Variants in PRKG1 observed in about 807,000 individuals in gnomAD.
PRKG1 encodes the protein protein kinase cGMP-dependent 1, also known as cGMP-dependent protein kinase 1.
PRKG1 carries 35 observed loss-of-function variants against 88.1 expected under a neutral mutation model. The observed-to-expected ratio is 0.40, with a 90% CI of 0.30 to 0.53. The LOEUF is 0.53. Ranked by LOEUF, PRKG1 falls within the 20% of genes least tolerant of loss-of-function variation. PRKG1 has a pLI of 0.59. For missense variants in PRKG1, 540 were observed against 839.8 expected, an observed-to-expected ratio of 0.64 and a Z score of 4.41; for synonymous variants, 303 against 292.5, an observed-to-expected ratio of 1.04 and a Z score of -0.37.
At chr10:51,999,424 C>CTA (rs1844537809) in intron 5 of PRKG1, among the ~76,000 whole-genome samples, 4 of 152,170 alleles carry the variant, frequency 2.6e-5, no homozygotes, top group African/African-American at 9.7e-5. Flanking sequence ...TTGCCAGCTT[C>CTA]GTAGGGATGT....
At chr10:51,411,972 T>A (rs1838100497) in intron 2 of PRKG1, among the ~76,000 whole-genome samples, 1 of 152,112 alleles carries the variant, frequency 6.6e-6, no homozygotes, top group Non-Finnish European at 1.5e-5. Flanking sequence ...TAGATTTGAT[T>A]TAGAATTAAC....
intron 2 of PRKG1, among the ~76,000 whole-genome samples, chr10:51,181,543 G>T (rs1564629772): frequency 6.6e-6 from 1 of 151,848 alleles, no homozygotes; most frequent in Non-Finnish European, 1.5e-5. Context: ...GCCCGGCCTA[G>T]AATTTTTTTA....
At chr10:51,338,661 G>A (rs985978526) in intron 2 of PRKG1, among the ~76,000 whole-genome samples, 11 of 152,088 alleles carry the variant, frequency 7.2e-5, no homozygotes, top group Non-Finnish European at 1.2e-4. Flanking sequence ...CAAGGATATT[G>A]GTTCTTTTAT....
intron 2 of PRKG1, among the ~76,000 whole-genome samples, chr10:51,467,463 G>A (rs1446213928): frequency 6.6e-6 from 1 of 151,930 alleles, no homozygotes; most frequent in Non-Finnish European, 1.5e-5. Flanking sequence ...ATAATATTAT[G>A]TTTGCCTGTT....
intron 3 of PRKG1, among the ~76,000 whole-genome samples, chr10:51,652,552 C>T (rs1840065255): frequency 6.6e-6 from 1 of 152,056 alleles, no homozygotes; most frequent in Admixed American, 6.6e-5. Context: ...CTCATGTCAT[C>T]GATCCCATTT....
intron 3 of PRKG1, among the ~76,000 whole-genome samples, chr10:51,544,985 GTT>G (rs1292641063): frequency 6.8e-6 from 1 of 146,652 alleles, no homozygotes; most frequent in East Asian, 2.0e-4. Flanking sequence ...CCACAATGAG[GTT>G]TTTTTTTTTA....
At chr10:51,390,915 A>G (rs531862363) in intron 2 of PRKG1, among the ~76,000 whole-genome samples, 2 of 152,352 alleles carry the variant, frequency 1.3e-5, no homozygotes, top group Non-Finnish European at 2.9e-5. Flanking sequence ...ACAAAAAATT[A>G]TCCAGTCCAA....
intron 2 of PRKG1, among the ~76,000 whole-genome samples, chr10:51,457,762 G>A (rs293281): frequency 0.35 from 53,590 of 151,872 alleles, 10,523 homozygotes; most frequent in African/African-American, 0.51. Flanking sequence ...CTCTTCTTAC[G>A]CATTAGTCTA....
chr10:51,115,082 G>A (rs1164039740), intron 1 of PRKG1, among the ~76,000 whole-genome samples: 1 of 151,874 alleles, frequency 6.6e-6, no homozygotes, highest in Non-Finnish European at 1.5e-5. Context: ...TTGGGAGGCT[G>A]AGGCGGGCAG....
At chr10:51,051,770 C>T (rs17510159) in intron 1 of PRKG1, among the ~76,000 whole-genome samples, 2,801 of 152,212 alleles carry the variant, frequency 0.018, 25 homozygotes, top group Non-Finnish European at 0.03. Context: ...TATCACCTAG[C>T]GACATCTTAG....
chr10:52,252,825 G>A (rs1266589002), intron 10 of PRKG1: 1 of 149,874 alleles, frequency 6.7e-6, no homozygotes, highest in Non-Finnish European at 1.5e-5. Context: ...GACAATATGA[G>A]TATTTTCAGT....
chr10:51,772,474 G>T (rs1339451637), intron 3 of PRKG1, among the ~76,000 whole-genome samples: 1 of 152,034 alleles, frequency 6.6e-6, no homozygotes, highest in African/African-American at 2.4e-5. Context: ...TAACATTAAA[G>T]CAGGTGACTG....
chr10:51,184,131 C>T (rs1424586631), intron 2 of PRKG1, among the ~76,000 whole-genome samples: 2 of 152,200 alleles, frequency 1.3e-5, no homozygotes, highest in South Asian at 2.1e-4. Flanking sequence ...TGATATCCAA[C>T]TCATATGACA....
At chr10:51,699,557 G>A in intron 3 of PRKG1, 1 of 1,603,802 alleles carries the variant, frequency 6.2e-7, no homozygotes, top group Non-Finnish European at 8.5e-7. Flanking sequence ...CATGATTCCG[G>A]TTGTGCAGAC....
intron 4 of PRKG1, among the ~76,000 whole-genome samples, chr10:51,873,355 C>T (rs1185574394): frequency 6.6e-6 from 1 of 152,024 alleles, no homozygotes; most frequent in African/African-American, 2.4e-5. Context: ...AACTTGGACT[C>T]AGCCTCTACC....
At chr10:51,616,532 C>T (rs558876163) in intron 3 of PRKG1, among the ~76,000 whole-genome samples, 1 of 152,200 alleles carries the variant, frequency 6.6e-6, no homozygotes, top group South Asian at 2.1e-4. Context: ...GGTGGGTAGG[C>T]TCAATCTCAA....
At chr10:51,334,469 G>T (rs1841823515) in intron 2 of PRKG1, among the ~76,000 whole-genome samples, 1 of 152,120 alleles carries the variant, frequency 6.6e-6, no homozygotes, top group Non-Finnish European at 1.5e-5. Context: ...ATGAATGAAT[G>T]AATGATTGAA....
intron 3 of PRKG1, among the ~76,000 whole-genome samples, chr10:51,760,988 C>T (rs1288668915): frequency 6.6e-6 from 1 of 152,062 alleles, no homozygotes; most frequent in African/African-American, 2.4e-5. Flanking sequence ...GGTGTGCATG[C>T]CTGTATCCCA....
chr10:51,005,479 T>C (rs1322349700), intron 1 of PRKG1, among the ~76,000 whole-genome samples: 1 of 152,182 alleles, frequency 6.6e-6, no homozygotes, highest in Non-Finnish European at 1.5e-5. Flanking sequence ...TCCAGTGACA[T>C]GGTAAGCTGG....
Sources: gnomAD v4.1 joint callset for allele counts (sites outside exome capture counted in the v4.1 genomes callset) on GRCh38, gnomAD v4.1.1 for gene constraint, MANE v1.5 for transcripts, NCBI Gene and HGNC (gene_info 2026-07-23, HGNC 2026-07-21) for gene names.